Variants in CRIM1 observed in about 807,000 individuals in gnomAD.
The protein encoded by CRIM1 is cysteine rich transmembrane BMP regulator 1, also known as cysteine-rich motor neuron 1 protein.
A neutral mutation model predicts 116.4 loss-of-function variants in CRIM1; 32 were observed. The ratio of observed to expected loss-of-function variants is 0.27; its 90% CI spans 0.21 to 0.37. CRIM1 has a LOEUF of 0.37. Ranked by LOEUF, CRIM1 falls within the 10% of genes least tolerant of loss-of-function variation. CRIM1 has a pLI of 1.00. For synonymous variants in CRIM1, 590 were observed against 509.2 expected, an observed-to-expected ratio of 1.16 and a Z score of -2.13; for missense variants, 1,331 against 1,354.8, an observed-to-expected ratio of 0.98 and a Z score of 0.28.
In CRIM1 at chr2:36,548,896, C is replaced by G. The variant is rs142231436; in HGVS notation, c.*195C>G. 52 of 383,382 alleles carry G rather than the reference C, an allele frequency of 1.4e-4. No homozygotes were observed. Among genetic ancestry groups the G allele is most frequent in the African/African-American group, 1.0e-3 (45 of 43,836 alleles). The allele number at this position is 383,382 out of a possible 1,614,324, so 23.7% of individuals were successfully genotyped here. ...GCATTCCCACTTTTCCTCAAGATAA[C>G]TGACCAAGTGTTTTCTTAGAACCAA... On this transcript the variant is annotated 3_prime_UTR_variant, in exon 17 of 17. Coordinates refer to ENST00000280527, the MANE Select transcript of CRIM1 (RefSeq NM_016441.3).
intron 2 of CRIM1, among the ~76,000 whole-genome samples, chr2:36,407,477 T>C (rs1672897436): frequency 6.6e-6 from 1 of 152,142 alleles, no homozygotes; most frequent in South Asian, 2.1e-4. Context: ...AAACATGTTT[T>C]AAATCGTTGT....
intron 14 of CRIM1, among the ~76,000 whole-genome samples, chr2:36,540,888 AAG>A (rs1262139491): frequency 3.3e-5 from 5 of 152,194 alleles, no homozygotes; most frequent in Non-Finnish European, 4.4e-5. Flanking sequence ...TGAGTTTGAT[AAG>A]AGAGAGTACA....
chr2:36,441,996 G>T (rs899486897), intron 3 of CRIM1, among the ~76,000 whole-genome samples: 1 of 152,116 alleles, frequency 6.6e-6, no homozygotes, highest in South Asian at 2.1e-4. Context: ...CAATTCCCCC[G>T]CATCTGCCCT....
chr2:36,452,880 G>A (rs928938237), intron 4 of CRIM1, among the ~76,000 whole-genome samples: 4 of 152,130 alleles, frequency 2.6e-5, no homozygotes, highest in African/African-American at 7.2e-5. Context: ...AATTCCGTAA[G>A]CCTTTCAGTA....
rs550030599 is a variant in CRIM1, at chr2:36,514,614, T to C, written c.1990+849T>C. ...AGTCTCTCAAATCTTGTATCAGATT[T>C]CTTTCAAAGTTAAGTCTACTGTCAG... On this transcript the variant is annotated intron_variant, in intron 11 of 16. Coordinates refer to ENST00000280527, the MANE Select transcript of CRIM1 (RefSeq NM_016441.3). 2.6e-5 allele frequency among the ~76,000 whole-genome samples: 4 copies of C among 152,320 alleles called. No individual in the cohort carries two copies. In the South Asian group the frequency reaches 6.2e-4, roughly 24 times the overall value.
intron 2 of CRIM1, among the ~76,000 whole-genome samples, chr2:36,420,295 T>A (rs1157953219): frequency 1.3e-5 from 2 of 152,204 alleles, no homozygotes; most frequent in African/African-American, 4.8e-5. Flanking sequence ...CCCCAGGCAT[T>A]TTCTATGGAT....
At chr2:36,443,934 G>A (rs1033654313) in intron 4 of CRIM1, among the ~76,000 whole-genome samples, 1 of 152,202 alleles carries the variant, frequency 6.6e-6, no homozygotes, top group African/African-American at 2.4e-5. Flanking sequence ...CATTGGTGCA[G>A]CCACCTTCCT....
At chr2:36,445,379 A>G (rs1676159120) in intron 4 of CRIM1, among the ~76,000 whole-genome samples, 1 of 152,130 alleles carries the variant, frequency 6.6e-6, no homozygotes, top group Non-Finnish European at 1.5e-5. Context: ...ATCTCTTTTC[A>G]TATTGCTCAT....
rs536975046 is a variant in CRIM1 at position 36,360,000 on chromosome 2, CT to C, written c.331+3378del. 3.9e-5 allele frequency among the ~76,000 whole-genome samples: 6 copies of C among 152,272 alleles called. No homozygotes were observed. In the South Asian group the frequency reaches 1.2e-3, roughly 32 times the overall value. On this transcript the variant is annotated intron_variant, in intron 1 of 16. Coordinates refer to ENST00000280527, the MANE Select transcript of CRIM1 (RefSeq NM_016441.3). ...AGAAACAAGTGTGGATCCTGAACCC[CT>C]GAGAAAGAAATCTGGATGGAAGACA...
At position 36,407,932 on chromosome 2, in the gene CRIM1, T is replaced by C. The variant is rs1248785355; in HGVS notation, c.505+11145T>C. Among the ~76,000 whole-genome samples the C allele has an allele frequency of 3.9e-5, 6 of 152,258 alleles. No individual in the cohort carries two copies. The South Asian group carries it at 6.2e-4, about 16-fold the overall frequency. ...CATTCATGGATTTTTTTTCACCTTC[T>C]TCTTTGCTTTAACTCTTAACTCTGA... On this transcript the variant is annotated intron_variant, in intron 2 of 16. Coordinates refer to ENST00000280527, the MANE Select transcript of CRIM1 (RefSeq NM_016441.3).
intron 1 of CRIM1, among the ~76,000 whole-genome samples, chr2:36,360,772 G>A (rs1043418736): frequency 7.2e-5 from 11 of 152,270 alleles, no homozygotes; most frequent in African/African-American, 1.9e-4. Flanking sequence ...CTCTGTAGTA[G>A]GGCCTGAAGT....
At chr2:36,401,942 C>A (rs546715634) in intron 2 of CRIM1, among the ~76,000 whole-genome samples, 1 of 152,056 alleles carries the variant, frequency 6.6e-6, no homozygotes, top group Non-Finnish European at 1.5e-5. Context: ...GTCCTGCCAC[C>A]GGAACTCTAG....
At chr2:36,365,279 G>T (rs1332136009) in intron 1 of CRIM1, among the ~76,000 whole-genome samples, 1 of 152,144 alleles carries the variant, frequency 6.6e-6, no homozygotes, top group East Asian at 1.9e-4. Flanking sequence ...ATTTAAAAAT[G>T]GCCTTTTAAT....
chr2:36,450,758 G>A (rs146216599), intron 4 of CRIM1, among the ~76,000 whole-genome samples: 2 of 152,270 alleles, frequency 1.3e-5, no homozygotes, highest in East Asian at 1.9e-4. Flanking sequence ...CATCAATGTC[G>A]TTTGCTTTCA....
intron 13 of CRIM1, among the ~76,000 whole-genome samples, chr2:36,526,439 A>T (rs1270064200): frequency 2.0e-5 from 3 of 152,212 alleles, no homozygotes; most frequent in Non-Finnish European, 2.9e-5. Flanking sequence ...AAAGCATCCC[A>T]TGGCCATTTC....
chr2:36,538,362 A>G (rs775334614), intron 14 of CRIM1, among the ~76,000 whole-genome samples: 14 of 152,122 alleles, frequency 9.2e-5, no homozygotes, highest in Non-Finnish European at 1.9e-4. Context: ...TCCCGGTGGT[A>G]TAGACCACAC....
intron 1 of CRIM1, among the ~76,000 whole-genome samples, chr2:36,373,648 G>A (rs1349884044): frequency 4.6e-5 from 7 of 152,152 alleles, no homozygotes; most frequent in Admixed American, 2.6e-4. Context: ...CAGAATGGCC[G>A]TGGGAAGGTA....
At chr2:36,522,032 T>C in intron 12 of CRIM1, 60 bp from the exon 13 acceptor site, 2 of 1,422,332 alleles carry the variant, frequency 1.4e-6, no homozygotes, top group African/African-American at 1.4e-5. Flanking sequence ...AAACACACTA[T>C]GTTGCATAGT....
At chr2:36,545,240 G>A (rs1447916501) in intron 15 of CRIM1, among the ~76,000 whole-genome samples, 2 of 152,150 alleles carry the variant, frequency 1.3e-5, no homozygotes, top group African/African-American at 4.8e-5. Context: ...TTAATTGTCT[G>A]TTACTCTAGA....
Sources: gnomAD v4.1 joint callset for allele counts (sites outside exome capture counted in the v4.1 genomes callset) on GRCh38, gnomAD v4.1.1 for gene constraint, MANE v1.5 for transcripts, NCBI Gene and HGNC (gene_info 2026-07-23, HGNC 2026-07-21) for gene names.